The following TCF4 variants were observed in gnomAD, a reference collection of about 807,000 sequenced individuals.
The protein encoded by TCF4 is transcription factor 4, also known as SL3-3 enhancer factor 2.
A neutral mutation model predicts 82.1 loss-of-function variants in TCF4; 3 were observed. The observed-to-expected ratio is 0.04, with a 90% CI of 0.02 to 0.09. The LOEUF (loss-of-function observed/expected upper bound fraction) is 0.09, where lower values mean the gene tolerates loss of function less well. Among genes scored for constraint, TCF4 ranks in the 10% least tolerant of loss-of-function variants. The probability of loss-of-function intolerance (pLI) is 1.00; values close to 1 mark genes in which losing one functional copy is unlikely to be tolerated. For missense variants in TCF4, 518 were observed against 852.7 expected (o/e 0.61, Z 4.89); for synonymous variants, 276 against 309.6 (o/e 0.89, Z 1.14).
chr18:55,312,623 A>C (rs2072896261), intron 8 of TCF4, among the ~76,000 whole-genome samples: 1 of 152,156 alleles, frequency 6.6e-6, no homozygotes, highest in Non-Finnish European at 1.5e-5. Context: ...CTGAATCCTA[A>C]ATGATTTTAT....
intron 3 of TCF4, among the ~76,000 whole-genome samples, chr18:55,486,579 G>A (rs1039570995): frequency 5.3e-5 from 8 of 152,160 alleles, no homozygotes; most frequent in Admixed American, 5.2e-4. Flanking sequence ...GTGACAGAGT[G>A]AGACTCTTGT....
intron 3 of TCF4, among the ~76,000 whole-genome samples, chr18:55,478,421 C>T (rs1426599583): frequency 6.6e-6 from 1 of 152,192 alleles, no homozygotes; most frequent in Non-Finnish European, 1.5e-5. Flanking sequence ...AAAACTCACA[C>T]ATCAGTCACC....
At chr18:55,483,400 G>A (rs72930751) in intron 3 of TCF4, among the ~76,000 whole-genome samples, 23 of 152,268 alleles carry the variant, frequency 1.5e-4, no homozygotes, top group Non-Finnish European at 2.5e-4. Context: ...AAATATGCAA[G>A]TACAGATTAA....
rs1230192802 is a variant in TCF4 at position 55,403,494 on chromosome 18, G to A, written c.329C>T (p.Ser110Leu). Residue 110 changes from serine (S) to leucine (L), a missense_variant, in exon 6 of 20, where the codon TCA becomes TTA. Physicochemically the swap from Ser to Leu is moderately radical, Grantham distance 145. Around this residue, in one of 7 missense-constraint regions of TCF4, gnomAD observed 80 missense variants for 93.8 expected, o/e 0.85. Transcript: ENST00000354452. ...TAAGTTTGATTCTCTCCCATAAGAT[G>A]AGTATGAGCCCCTTTCTGTTTTACC... is the stretch of plus-strand genomic sequence containing the variant. ...IQSKTERGSY[S>L]SYGRESNLQG... The A allele has an allele frequency of 1.9e-6, 3 of 1,613,788 alleles. No homozygotes were observed. The highest frequency in any genetic ancestry group is 3.3e-5 in the Admixed American group (2 of 60,002).
In TCF4 at chr18:55,626,336, C is replaced by G. The variant is rs140723578; in HGVS notation, c.286+4962G>C. On this transcript the variant is annotated intron_variant, in intron 2 of 20. Coordinates refer to the TCF4 transcript ENST00000398339. Reference sequence around the variant, plus strand: ...TATTAGATCATATTTTCCATATTCCCCAGCTAAATTTATCTAGAAACAATC... The same window carrying G: ...TATTAGATCATATTTTCCATATTCCGCAGCTAAATTTATCTAGAAACAATC... Among the ~76,000 whole-genome samples the G allele has an allele frequency of 4.7e-3, 718 of 152,232 alleles. 4 individuals are homozygous for G. Among genetic ancestry groups the G allele is most frequent in the African/African-American group, 0.016 (648 of 41,528 alleles).
At chr18:55,372,804 G>C (rs1210540351) in intron 6 of TCF4, among the ~76,000 whole-genome samples, 3 of 152,038 alleles carry the variant, frequency 2.0e-5, no homozygotes, top group African/African-American at 7.2e-5. Flanking sequence ...GAGGAACAAA[G>C]GGAGAAACTC....
chr18:55,514,436 CACACACACA>C (rs1568286332), intron 3 of TCF4, among the ~76,000 whole-genome samples: 5 of 151,834 alleles, frequency 3.3e-5, no homozygotes, highest in South Asian at 4.2e-4. Flanking sequence ...CACACACACA[CACACACACA>C]CCCCAATCAT....
At chr18:55,565,378 C>A (rs1344301517) in intron 3 of TCF4, among the ~76,000 whole-genome samples, 1 of 150,256 alleles carries the variant, frequency 6.7e-6, no homozygotes, top group African/African-American at 2.4e-5. Context: ...AAAAATAAAA[C>A]AAAACTTGAG....
intron 8 of TCF4, chr18:55,302,757 C>T (rs993744978): frequency 4.6e-5 from 31 of 678,310 alleles, no homozygotes; most frequent in Admixed American, 1.6e-4. Context: ...AGGCATGAGG[C>T]GTCCCCTGGA....
At chr18:55,621,418 AT>A (rs1228322945) in intron 2 of TCF4, among the ~76,000 whole-genome samples, 1 of 119,038 alleles carries the variant, frequency 8.4e-6, no homozygotes, top group East Asian at 2.1e-4. Context: ...TGATATATAT[AT>A]TATATATAAT....
intron 15 of TCF4, among the ~76,000 whole-genome samples, chr18:55,252,468 C>T (rs375316693): frequency 5.3e-4 from 80 of 152,068 alleles, no homozygotes; most frequent in East Asian, 1.7e-3. Context: ...GTCTCACTTT[C>T]GGTTCTACTG....
chr18:55,545,031 C>T (rs2097194155), intron 3 of TCF4, among the ~76,000 whole-genome samples: 1 of 152,152 alleles, frequency 6.6e-6, no homozygotes, highest in South Asian at 2.1e-4. Context: ...AGTGATTGCA[C>T]ACAGAAACTC....
At chr18:55,436,971 G>A (rs1315921828) in intron 5 of TCF4, among the ~76,000 whole-genome samples, 2 of 152,210 alleles carry the variant, frequency 1.3e-5, no homozygotes, top group African/African-American at 4.8e-5. Flanking sequence ...ATTAGAAAGT[G>A]TAACAAAATC....
chr18:55,275,275 G>GAAAAAAAAAAAAAAA (rs533160424), intron 10 of TCF4, among the ~76,000 whole-genome samples: 2 of 71,358 alleles, frequency 2.8e-5, no homozygotes, highest in Non-Finnish European at 5.4e-5. Context: ...ACTACAGATA[G>GAAAAAAAAAAAAAAA]AAAAAAAAAA....
At chr18:55,350,323 T>C (rs766532117) in intron 8 of TCF4, 36 bp downstream of exon 8, 15 of 1,603,756 alleles carry the variant, frequency 9.4e-6, no homozygotes, top group Non-Finnish European at 1.2e-5. Context: ...CAGAACAAAA[T>C]AAGCAATATA....
chr18:55,442,132 C>A (rs569860039), intron 5 of TCF4, among the ~76,000 whole-genome samples: 65 of 152,280 alleles, frequency 4.3e-4, no homozygotes, highest in African/African-American at 1.5e-3. Flanking sequence ...CAAGCTTACA[C>A]TTTAAACAAG....
intron 15 of TCF4, among the ~76,000 whole-genome samples, chr18:55,247,159 T>C (rs578207086): frequency 9.2e-5 from 14 of 152,330 alleles, no homozygotes; most frequent in African/African-American, 3.4e-4. Context: ...ACTCAAAGGA[T>C]AGAAGACAGC....
chr18:55,372,663 AC>A (rs1263269552), intron 6 of TCF4, among the ~76,000 whole-genome samples: 1 of 152,170 alleles, frequency 6.6e-6, no homozygotes, highest in Non-Finnish European at 1.5e-5. Flanking sequence ...ACCCAAAAAA[AC>A]CCAGAACAAC....
At chr18:55,505,609 C>G (rs563630677) in intron 3 of TCF4, among the ~76,000 whole-genome samples, 2 of 151,784 alleles carry the variant, frequency 1.3e-5, no homozygotes, top group South Asian at 4.2e-4. Context: ...TCGAGACCAT[C>G]CCGGCTAAAA....
Sources: allele counts gnomAD v4.1 joint callset (sites outside exome capture counted in the v4.1 genomes callset), GRCh38; gene constraint gnomAD v4.1.1; regional missense constraint gnomAD v4.1.1; transcripts MANE v1.5; gene names NCBI Gene and HGNC (gene_info 2026-07-23, HGNC 2026-07-21).